FER: variants seen among roughly 807,000 people sequenced by gnomAD.
The protein encoded by FER is tyrosine-protein kinase Fer.
A neutral mutation model predicts 111.0 loss-of-function variants in FER; 63 were observed. That is an observed-to-expected ratio of 0.57 (90% CI 0.46 to 0.70). The LOEUF (loss-of-function observed/expected upper bound fraction) is 0.70, where lower values mean the gene tolerates loss of function less well. Ranked by LOEUF, FER falls within the 30% of genes least tolerant of loss-of-function variation. FER has a pLI of 0.00. For missense variants in FER, 914 were observed against 954.0 expected (o/e 0.96, Z 0.55); for synonymous variants, 327 against 313.9 (o/e 1.04, Z -0.44).
Position 108,832,801 on chromosome 5 carries a change from A to G in FER, c.239A>G (p.Gln80Arg). Residue 80 changes from glutamine (Q) to arginine (R), a missense_variant, in exon 4 of 20, where the codon CAA (glutamine) becomes CGA (arginine). By Grantham distance (43) the Gln-to-Arg change is conservative. Transcript: ENST00000281092. ...SWLLMIQQTE[Q>R]LSRIMKTHAE... The stretch of plus-strand genomic sequence containing the variant: ...CTACTTATGATTCAGCAGACAGAAC[A>G]ACTTAGTAGGATAATGAAGACACAT... The G allele has an allele frequency of 6.4e-7, 1 of 1,561,208 alleles. No individual in the cohort carries two copies. Among genetic ancestry groups the G allele is most frequent in the Non-Finnish European group, 8.7e-7 (1 of 1,154,932 alleles).
intron 3 of FER, among the ~76,000 whole-genome samples, chr5:108,824,729 T>C (rs1421813955): frequency 5.9e-5 from 9 of 152,214 alleles, no homozygotes; most frequent in African/African-American, 2.2e-4. Flanking sequence ...CCTACAATTT[T>C]ACAGAATTCA....
chr5:108,894,307 A>G, intron 9 of FER: 1 of 841,158 alleles, frequency 1.2e-6, no homozygotes, highest in Non-Finnish European at 1.6e-6. Context: ...CTTGGGGGTC[A>G]CCAATGAAAG....
At chr5:108,887,699 C>A (rs1225711598) in intron 9 of FER, among the ~76,000 whole-genome samples, 1 of 151,522 alleles carries the variant, frequency 6.6e-6, no homozygotes, top group African/African-American at 2.4e-5. Context: ...ATACTTTAAT[C>A]CAACACAGAA....
chr5:109,002,720 T>C (rs539683059), intron 13 of FER, among the ~76,000 whole-genome samples: 128 of 152,128 alleles, frequency 8.4e-4, no homozygotes, highest in African/African-American at 3.1e-3. Context: ...CACAACCTAC[T>C]CATCTGACAA....
chr5:109,161,208 G>A (rs1005824359), intron 17 of FER, among the ~76,000 whole-genome samples: 1 of 152,038 alleles, frequency 6.6e-6, no homozygotes, highest in Non-Finnish European at 1.5e-5. Context: ...GTGTCTGTAG[G>A]ATGCTTCTGT....
chr5:108,995,688 C>G (rs1763898987), intron 13 of FER, among the ~76,000 whole-genome samples: 1 of 152,040 alleles, frequency 6.6e-6, no homozygotes, highest in Admixed American at 6.5e-5. Flanking sequence ...GGGTTGGTTC[C>G]AAGTCTTTGC....
intron 5 of FER, among the ~76,000 whole-genome samples, chr5:108,839,091 C>T (rs751533889): frequency 6.6e-6 from 1 of 152,170 alleles, no homozygotes; most frequent in African/African-American, 2.4e-5. Context: ...AAGGATTCCC[C>T]CACTGTTACC....
intron 15 of FER, among the ~76,000 whole-genome samples, chr5:109,046,537 T>G (rs571076803): frequency 2.6e-5 from 4 of 152,122 alleles, no homozygotes; most frequent in Non-Finnish European, 5.9e-5. Context: ...TAAAAGAATA[T>G]TAAATTAAGG....
rs200461855 is a variant in FER, at chr5:108,883,439, C to A, written c.967C>A (p.Leu323Ile). The change falls in exon 9 of 20, where the codon CTT becomes ATT. Residue 323 changes from leucine to isoleucine, a missense_variant. This residue lies in a region of FER where 774 missense variants were observed against 782.6 expected (regional missense o/e 0.99). Coordinates refer to ENST00000281092, the MANE Select transcript of FER (RefSeq NM_005246.4). ...AEELMQTQQM[L>I]LNKEEAVLEL... The stretch of plus-strand genomic sequence containing the variant: ...AGAACTTATGCAAACACAGCAGATG[C>A]TTTTAAACAAGGAGGAGGCTGTTTT... 5 of 1,608,510 alleles carry A rather than the reference C, an allele frequency of 3.1e-6. No homozygotes were observed. Among genetic ancestry groups the A allele is most frequent in the Admixed American group, 1.7e-5 (1 of 59,678 alleles).
In FER at chr5:108,820,481, A is replaced by G. The variant is rs1050527320; in HGVS notation, c.208-12289A>G. 43 of 985,334 alleles carry G rather than the reference A, an allele frequency of 4.4e-5. No homozygotes were observed. In the African/African-American group the frequency reaches 7.0e-4, roughly 16 times the overall value. The allele number at this position is 985,334 out of a possible 1,614,324, so 61.0% of individuals were successfully genotyped here. A position where few individuals can be genotyped will look rare whatever the true frequency, so the allele number is the denominator to read the frequency against. The stretch of plus-strand genomic sequence containing the variant: ...CTTAAGTCCAAGAGGAATAAAAGCA[A>G]TTGAGGAGCACCAAGAAGCTGGAAA... On this transcript the variant is annotated intron_variant, in intron 3 of 19. Coordinates refer to ENST00000281092, the MANE Select transcript of FER (RefSeq NM_005246.4).
intron 17 of FER, among the ~76,000 whole-genome samples, chr5:109,129,316 G>T (rs1752094948): frequency 6.6e-6 from 1 of 151,850 alleles, no homozygotes; most frequent in Admixed American, 6.6e-5. Context: ...TAAGAGTTTC[G>T]TGTCACAAAC....
chr5:109,081,159 T>G (rs1776943348), intron 16 of FER, among the ~76,000 whole-genome samples: 1 of 152,074 alleles, frequency 6.6e-6, no homozygotes, highest in Non-Finnish European at 1.5e-5. Flanking sequence ...TCTGAGCTCC[T>G]ACAACTAATT....
In FER at chr5:108,796,234, T is replaced by C. The variant is rs140830412; in HGVS notation, c.-59-1890T>C. ...TACTTTCTCCCAAACAAATGGAGTC[T>C]CTCTCTCTTTTGAGTCACCTGGAGC... On this transcript the variant is annotated intron_variant, in intron 2 of 19. Transcript: ENST00000281092. Among the ~76,000 whole-genome samples the C allele has an allele frequency of 8.2e-3, 1,245 of 152,264 alleles. 6 individuals carry two copies. The highest frequency in any genetic ancestry group is 0.014 in the South Asian group (67 of 4,828).
intron 13 of FER, among the ~76,000 whole-genome samples, chr5:108,989,829 A>G (rs1233079656): frequency 6.6e-6 from 1 of 152,002 alleles, no homozygotes; most frequent in Non-Finnish European, 1.5e-5. Context: ...ATTAATACAA[A>G]ATAGTATAAT....
chr5:108,967,029 A>G (rs1004969457), intron 13 of FER, among the ~76,000 whole-genome samples: 2 of 152,178 alleles, frequency 1.3e-5, no homozygotes, highest in African/African-American at 2.4e-5. Context: ...GTCACTTTGT[A>G]AGCCACGGAC....
chr5:109,092,404 C>A (rs1746925103), intron 16 of FER, among the ~76,000 whole-genome samples: 1 of 150,704 alleles, frequency 6.6e-6, no homozygotes, highest in Non-Finnish European at 1.5e-5. Context: ...ATAAAGAATT[C>A]CTGCAACTCA....
intron 10 of FER, among the ~76,000 whole-genome samples, chr5:108,908,814 G>A (rs1216143201): frequency 6.6e-6 from 1 of 152,178 alleles, no homozygotes; most frequent in Non-Finnish European, 1.5e-5. Flanking sequence ...CAAGGTGGGT[G>A]GATCGCTTGA....
At chr5:109,134,431 TTTTC>T (rs1752681847) in intron 17 of FER, among the ~76,000 whole-genome samples, 1 of 152,148 alleles carries the variant, frequency 6.6e-6, no homozygotes, top group South Asian at 2.1e-4. Context: ...ATCTTAAGGT[TTTTC>T]TTTGTCATTT....
intron 13 of FER, among the ~76,000 whole-genome samples, chr5:108,969,887 T>C (rs1760400041): frequency 6.7e-6 from 1 of 148,272 alleles, no homozygotes; most frequent in Non-Finnish European, 1.5e-5. Flanking sequence ...ATATTAATTA[T>C]GATTACCTTA....
Sources: gnomAD v4.1 joint callset for allele counts (sites outside exome capture counted in the v4.1 genomes callset) on GRCh38, gnomAD v4.1.1 for gene constraint, gnomAD v4.1.1 regional missense constraint, MANE v1.5 for transcripts, NCBI Gene and HGNC (gene_info 2026-07-23, HGNC 2026-07-21) for gene names.